Variants in SH3RF3 observed in about 807,000 individuals in gnomAD.
SH3RF3 encodes the protein E3 ubiquitin-protein ligase SH3RF3.
A neutral mutation model predicts 66.3 loss-of-function variants in SH3RF3; 29 were observed. That is an observed-to-expected ratio of 0.44 (90% CI 0.33 to 0.60). The LOEUF (loss-of-function observed/expected upper bound fraction) is 0.60. SH3RF3 is among the 20% of genes least tolerant of loss of function. SH3RF3 has a pLI of 0.04. For synonymous variants in SH3RF3, 583 were observed against 532.0 expected (o/e 1.10, Z -1.32); for missense variants, 1,194 against 1,190.9 (o/e 1.00, Z -0.04).
At chr2:109,135,641 T>C (rs1280850757) in intron 1 of SH3RF3, among the ~76,000 whole-genome samples, 1 of 152,042 alleles carries the variant, frequency 6.6e-6, no homozygotes, top group Non-Finnish European at 1.5e-5. Flanking sequence ...GGTGTGTGCG[T>C]GTACGTGTGT....
At position 109,484,794 on chromosome 2, in the gene SH3RF3, G is replaced by A. The variant is rs183008190; in HGVS notation, c.2149-5811G>A. Among the ~76,000 whole-genome samples, 731 of 152,200 alleles carry A rather than the reference G, an allele frequency of 4.8e-3. 4 individuals carry two copies. Among genetic ancestry groups the A allele is most frequent in the Non-Finnish European group, 8.2e-3 (557 of 68,012 alleles). On this transcript the variant is annotated intron_variant, in intron 8 of 9. Coordinates refer to ENST00000309415, the MANE Select transcript of SH3RF3 (RefSeq NM_001099289.3). ...GCCCTGAGACCTGGTATCAACAGTC[G>A]AGGCCCTGTTTATTTCTGTGCTTTC...
intron 9 of SH3RF3, among the ~76,000 whole-genome samples, chr2:109,491,339 C>T (rs187698802): frequency 7.2e-5 from 11 of 152,290 alleles, no homozygotes; most frequent in African/African-American, 2.6e-4. Context: ...AGCAGCTCTT[C>T]CCTCGCAAGC....
chr2:109,352,133 A>G (rs892705630), intron 2 of SH3RF3, among the ~76,000 whole-genome samples: 6 of 152,216 alleles, frequency 3.9e-5, no homozygotes, highest in Admixed American at 3.3e-4. Flanking sequence ...AGTTGATATT[A>G]GGATTACATG....
In SH3RF3 at chr2:109,449,378, C is replaced by G. The variant is rs374903401; in HGVS notation, c.2037C>G (p.Asn679Lys). ...CAGCATCAGCCATCACACCTCCCAA[C>G]GTCAGTGCCGCAAACCTCAACGGGG... is the stretch of plus-strand genomic sequence containing the variant. The part of the protein sequence containing the change: ...TSAASAITPP[N>K]VSAANLNGEA... Residue 679 changes from asparagine (N) to lysine (K), a missense_variant, in exon 8 of 10, where the codon AAC becomes AAG. Asn to Lys is a moderately conservative substitution (Grantham distance 94). Transcript: ENST00000309415. 9 of 1,611,202 alleles carry G rather than the reference C, an allele frequency of 5.6e-6. No homozygotes were observed. Among genetic ancestry groups the G allele is most frequent in the Non-Finnish European group, 4.2e-6 (5 of 1,178,578 alleles).
At chr2:109,324,112 T>C (rs1016735445) in intron 1 of SH3RF3, among the ~76,000 whole-genome samples, 2 of 152,232 alleles carry the variant, frequency 1.3e-5, no homozygotes, top group Non-Finnish European at 2.9e-5. Flanking sequence ...ATTTTCAAGG[T>C]TCGTCTTGGT....
At chr2:109,257,836 A>G (rs1349831759) in intron 1 of SH3RF3, among the ~76,000 whole-genome samples, 1 of 152,066 alleles carries the variant, frequency 6.6e-6, no homozygotes, top group Non-Finnish European at 1.5e-5. Flanking sequence ...CTTTTTTGGA[A>G]ACCCCACTTT....
At chr2:109,357,508 A>G (rs1306612326) in intron 2 of SH3RF3, among the ~76,000 whole-genome samples, 1 of 152,214 alleles carries the variant, frequency 6.6e-6, no homozygotes, top group Non-Finnish European at 1.5e-5. Flanking sequence ...CCTAGTGATG[A>G]AATGATGGAT....
chr2:109,360,139 C>T (rs1683026652), intron 2 of SH3RF3, among the ~76,000 whole-genome samples: 1 of 151,844 alleles, frequency 6.6e-6, no homozygotes. Context: ...GAAAGCCTGC[C>T]ATTGTTTGTT....
At chr2:109,439,725 C>T (rs563683233) in intron 7 of SH3RF3, among the ~76,000 whole-genome samples, 1 of 152,120 alleles carries the variant, frequency 6.6e-6, no homozygotes, top group South Asian at 2.1e-4. Flanking sequence ...GCCATGAATT[C>T]ATCAGCAAAA....
chr2:109,353,017 G>A (rs1436188909), intron 2 of SH3RF3, among the ~76,000 whole-genome samples: 4 of 152,234 alleles, frequency 2.6e-5, no homozygotes, highest in South Asian at 2.1e-4. Context: ...GGCCCTGGCC[G>A]CTGCAGCTGC....
intron 1 of SH3RF3, among the ~76,000 whole-genome samples, chr2:109,325,007 C>T (rs1682116794): frequency 6.6e-6 from 1 of 151,894 alleles, no homozygotes; most frequent in South Asian, 2.1e-4. Flanking sequence ...TGGGAGAGGC[C>T]TTTGGCTTGC....
At chr2:109,437,340 G>A (rs1000925808) in intron 7 of SH3RF3, among the ~76,000 whole-genome samples, 194 bp downstream of exon 7, 3 of 151,914 alleles carry the variant, frequency 2.0e-5, no homozygotes, top group African/African-American at 4.8e-5. Flanking sequence ...TATGGGGTGG[G>A]CCTTAAAGGC....
rs148842817 is a variant in SH3RF3, at chr2:109,443,064, A to G, written c.1828+5918A>G. Among the ~76,000 whole-genome samples the G allele has an allele frequency of 7.9e-5, 12 of 152,398 alleles. No homozygotes were observed. In the East Asian group the frequency reaches 1.3e-3, roughly 17 times the overall value. On this transcript the variant is annotated intron_variant, in intron 7 of 9. Transcript: ENST00000309415. ...TCATTATTCATGGTAGTTACATTCT[A>G]TGAAGTTATCATGAACACTGAATTT...
intron 1 of SH3RF3, among the ~76,000 whole-genome samples, chr2:109,213,820 G>T (rs936689607): frequency 6.6e-6 from 1 of 152,234 alleles, no homozygotes; most frequent in South Asian, 2.1e-4. Context: ...GTGGTGGATG[G>T]GCTGGAAGGG....
intron 1 of SH3RF3, among the ~76,000 whole-genome samples, chr2:109,230,832 A>G (rs2105184377): frequency 6.6e-6 from 1 of 152,246 alleles, no homozygotes; most frequent in Non-Finnish European, 1.5e-5. Flanking sequence ...AAAAAATTCC[A>G]CTTCATTTCT....
intron 1 of SH3RF3, among the ~76,000 whole-genome samples, chr2:109,201,035 G>T (rs10202764): frequency 0.041 from 6,306 of 152,184 alleles, 412 homozygotes; most frequent in African/African-American, 0.14. Flanking sequence ...GACCTGGGTG[G>T]GACCCTGTGA....
At chr2:109,347,372 G>C (rs551243043) in intron 1 of SH3RF3, among the ~76,000 whole-genome samples, 3 of 152,174 alleles carry the variant, frequency 2.0e-5, no homozygotes, top group Admixed American at 6.5e-5. Flanking sequence ...ATGAAGACAA[G>C]CCAGCACCTA....
intron 1 of SH3RF3, among the ~76,000 whole-genome samples, chr2:109,140,429 G>A (rs929122163): frequency 2.6e-5 from 4 of 151,794 alleles, no homozygotes; most frequent in Non-Finnish European, 5.9e-5. Flanking sequence ...CCCCTAGGCT[G>A]GAGTGCAGTG....
At chr2:109,191,395 T>C (rs1678353389) in intron 1 of SH3RF3, among the ~76,000 whole-genome samples, 1 of 152,198 alleles carries the variant, frequency 6.6e-6, no homozygotes, top group Non-Finnish European at 1.5e-5. Context: ...GTCTCTTGCA[T>C]ACCTACTGTG....
Sources: gnomAD v4.1 joint callset for allele counts (sites outside exome capture counted in the v4.1 genomes callset) on GRCh38, gnomAD v4.1.1 for gene constraint, MANE v1.5 for transcripts, NCBI Gene and HGNC (gene_info 2026-07-23, HGNC 2026-07-21) for gene names.